PCDHA5: variants seen among roughly 807,000 people sequenced by gnomAD.
PCDHA5 encodes the protein protocadherin alpha 5.
PCDHA5 carries 43 observed loss-of-function variants against 61.6 expected under a neutral mutation model. The observed-to-expected ratio is 0.70, with a 90% CI of 0.55 to 0.90. The LOEUF is 0.90. Among genes scored for constraint, PCDHA5 ranks in the 40% least tolerant of loss-of-function variants. PCDHA5 has a pLI of 0.00. For missense variants in PCDHA5, 1,298 were observed against 1,222.7 expected (o/e 1.06, Z -0.92); for synonymous variants, 627 against 543.9 (o/e 1.15, Z -2.13).
At chr5:140,851,804 A>G (rs2042163205) in intron 1 of PCDHA5, 6 of 945,718 alleles carry the variant, frequency 6.3e-6, no homozygotes, top group Non-Finnish European at 7.7e-6. Context: ...TCTGTCAGTA[A>G]TCCATAAGAC....
Position 140,829,043 on chromosome 5 carries a change from A to G in PCDHA5, c.2352+4916A>G, listed in dbSNP as rs2150162079. On this transcript the variant is annotated intron_variant, in intron 1 of 3. Transcript: ENST00000529859. ...TTTTGAACAAGAAAACTTATACAAA[A>G]TCCTCATTGACGCCACGGACAAAGG... 5 of 1,613,038 alleles carry G rather than the reference A, an allele frequency of 3.1e-6. No homozygotes were observed. In the African/African-American group the frequency reaches 6.7e-5, roughly 22 times the overall value.
intron 1 of PCDHA5, among the ~76,000 whole-genome samples, chr5:140,960,522 T>C (rs1261145307): frequency 6.6e-6 from 1 of 152,090 alleles, no homozygotes; most frequent in African/African-American, 2.4e-5. Flanking sequence ...ATAATGGGTA[T>C]AGGAAAGAGA....
intron 1 of PCDHA5, among the ~76,000 whole-genome samples, chr5:140,844,460 A>T (rs1188717335): frequency 6.7e-6 from 1 of 148,896 alleles, no homozygotes; most frequent in Non-Finnish European, 1.5e-5. Context: ...TCGCCAACTT[A>T]ACATTTTTTG....
chr5:140,984,164 A>G (rs1471799520), intron 3 of PCDHA5, among the ~76,000 whole-genome samples: 1 of 152,208 alleles, frequency 6.6e-6, no homozygotes, highest in Non-Finnish European at 1.5e-5. Context: ...GAACTTCCCA[A>G]AGAAGCCACG....
At chr5:140,853,825 C>A (rs1465584755) in intron 1 of PCDHA5, 1 of 986,448 alleles carries the variant, frequency 1.0e-6, no homozygotes, top group Non-Finnish European at 1.2e-6. Flanking sequence ...GATTCTCATA[C>A]AACCGAAATT....
intron 1 of PCDHA5, chr5:140,871,513 C>T (rs1554165693): frequency 6.4e-7 from 1 of 1,574,300 alleles, no homozygotes; most frequent in South Asian, 1.2e-5. Context: ...TCTACAGATT[C>T]CACCTATCAG....
chr5:140,960,740 C>T (rs949372581), intron 1 of PCDHA5, among the ~76,000 whole-genome samples: 1 of 151,868 alleles, frequency 6.6e-6, no homozygotes, highest in South Asian at 2.1e-4. Flanking sequence ...GATTTTAGTC[C>T]ATGGCTAAAA....
chr5:140,835,608 C>T (rs1554135105), intron 1 of PCDHA5: 3 of 1,613,898 alleles, frequency 1.9e-6, no homozygotes, highest in East Asian at 2.2e-5. Flanking sequence ...TTCATTGGTG[C>T]TGGACAGCGC....
At position 141,011,371 on chromosome 5, in the gene PCDHA5, G is replaced by A. The variant is rs782444449; in HGVS notation, c.*1434G>A. 6.5e-6 allele frequency: 1 copy of A among 153,724 alleles called. No homozygotes were observed. The highest frequency in any genetic ancestry group is 1.5e-5 in the Non-Finnish European group (1 of 68,022). 9.5% of individuals were successfully genotyped at this position (153,724 alleles called of 1,614,324 possible). On this transcript the variant is annotated 3_prime_UTR_variant, in exon 4 of 4. Transcript: ENST00000529859. ...CTCCCATATGTATGCTGTATGCTAT[G>A]CTAAGACTCCTGAAATATACTTACT...
At chr5:140,874,386 G>A (rs2054873500) in intron 1 of PCDHA5, among the ~76,000 whole-genome samples, 1 of 152,082 alleles carries the variant, frequency 6.6e-6, no homozygotes. Context: ...GTCTTTTGAT[G>A]CCCCCTTGCA....
intron 1 of PCDHA5, chr5:140,851,860 A>T (rs1213709274): frequency 2.1e-6 from 2 of 974,300 alleles, no homozygotes; most frequent in African/African-American, 3.5e-5. Context: ...CTCAGCTCAT[A>T]CATAACACAA....
chr5:140,952,028 T>C (rs2094677235), intron 1 of PCDHA5, among the ~76,000 whole-genome samples: 1 of 152,164 alleles, frequency 6.6e-6, no homozygotes, highest in Non-Finnish European at 1.5e-5. Flanking sequence ...AAGTCCGAAA[T>C]CCAGTAGGGC....
chr5:140,855,323 G>C lies in PCDHA5; in HGVS notation c.2352+31196G>C, dbSNP rs186152172. The stretch of plus-strand genomic sequence containing the variant: ...TTATAAAATTGGAACATGAGGGAGG[G>C]AGAGGTTAAACGATTTTCCCAAGTC... On this transcript the variant is annotated intron_variant, in intron 1 of 3. Transcript: ENST00000529859. 5.3e-5 allele frequency among the ~76,000 whole-genome samples: 8 copies of C among 149,960 alleles called. 1 individual carries two copies. The highest frequency in any genetic ancestry group is 7.5e-5 in the Non-Finnish European group (5 of 67,078).
chr5:140,992,017 C>CTGTG (rs10602499), intron 3 of PCDHA5, among the ~76,000 whole-genome samples: 5,022 of 145,578 alleles, frequency 0.034, 175 homozygotes, highest in African/African-American at 0.093. Context: ...AGAGGTGGCT[C>CTGTG]TGTGTGTGTG....
intron 1 of PCDHA5, chr5:140,871,278 G>A: frequency 6.2e-7 from 1 of 1,613,918 alleles, no homozygotes; most frequent in African/African-American, 1.3e-5. Context: ...GGTCGGCAAC[G>A]CCCACTGAGG....
At chr5:140,883,237 T>C in intron 1 of PCDHA5, 2 of 1,614,044 alleles carry the variant, frequency 1.2e-6, no homozygotes, top group Non-Finnish European at 1.7e-6. Context: ...TGGAGGCAGT[T>C]GACAAAGGAA....
Position 140,843,144 on chromosome 5 carries a change from C to T in PCDHA5, c.2352+19017C>T, listed in dbSNP as rs1554139783. ...GACTCGGGCTACAACGCGTGGCTTT[C>T]GTATGAGCTGCAGCCAGCTGCAAGC... On this transcript the variant is annotated intron_variant, in intron 1 of 3. Transcript: ENST00000529859. The T allele has an allele frequency of 2.4e-5, 39 of 1,596,036 alleles. 4 individuals are homozygous for T. Among genetic ancestry groups the T allele is most frequent in the Non-Finnish European group, 3.3e-5 (39 of 1,165,590 alleles).
chr5:140,998,565 A>G, intron 3 of PCDHA5, among the ~76,000 whole-genome samples: 1 of 113,790 alleles, frequency 8.8e-6, no homozygotes. Context: ...TTTATTGTAA[A>G]TAAGTTTTTT....
intron 1 of PCDHA5, among the ~76,000 whole-genome samples, chr5:140,943,121 G>A (rs1225385839): frequency 3.3e-5 from 5 of 151,916 alleles, no homozygotes; most frequent in African/African-American, 4.8e-5. Flanking sequence ...AGCCAGGTGT[G>A]GTAGTGGGTG....
Sources: allele counts gnomAD v4.1 joint callset (sites outside exome capture counted in the v4.1 genomes callset), GRCh38; gene constraint gnomAD v4.1.1; transcripts MANE v1.5; gene names NCBI Gene and HGNC (gene_info 2026-07-23, HGNC 2026-07-21).